The following PIK3CD variants were observed in gnomAD, a reference collection of about 807,000 sequenced individuals.
PIK3CD encodes phosphatidylinositol-4,5-bisphosphate 3-kinase catalytic subunit delta, also known as phosphatidylinositol 4,5-bisphosphate 3-kinase catalytic subunit delta isoform.
PIK3CD carries 20 observed loss-of-function variants against 122.9 expected under a neutral mutation model. That is an observed-to-expected ratio of 0.16 (90% CI 0.11 to 0.24). The LOEUF (loss-of-function observed/expected upper bound fraction) is 0.24. Among genes scored for constraint, PIK3CD ranks in the 10% least tolerant of loss-of-function variants. PIK3CD has a pLI of 1.00. For missense variants in PIK3CD, 787 were observed against 1,406.3 expected, an observed-to-expected ratio of 0.56 and a Z score of 7.04; for synonymous variants, 596 against 593.4, an observed-to-expected ratio of 1.00 and a Z score of -0.06.
chr1:9,638,698 C>G, the PIK3CD span, among the ~76,000 whole-genome samples: 7 of 143,384 alleles, frequency 4.9e-5, no homozygotes, highest in South Asian at 2.3e-4. Context: ...CACCACTGCA[C>G]TCCAGCCTGG....
At chr1:9,692,147 G>A (rs890674723) in intron 2 of PIK3CD, among the ~76,000 whole-genome samples, 1 of 152,150 alleles carries the variant, frequency 6.6e-6, no homozygotes, top group Non-Finnish European at 1.5e-5. Flanking sequence ...CTGGCTGGAC[G>A]TTGGCTACCA....
chr1:9,698,828 G>C (rs750168923), intron 2 of PIK3CD, among the ~76,000 whole-genome samples: 20 of 152,074 alleles, frequency 1.3e-4, no homozygotes, highest in Non-Finnish European at 2.2e-4. Flanking sequence ...TGATGAGATG[G>C]TGGGGATAGC....
chr1:9,654,562 C>T, intron 1 of PIK3CD: 1 of 459,396 alleles, frequency 2.2e-6, no homozygotes, highest in Non-Finnish European at 3.9e-6. Context: ...TCGGTTCCTG[C>T]TTCATCTTGT....
chr1:9,717,406 G>A lies in PIK3CD; in HGVS notation c.931-131G>A. On this transcript the variant is annotated intron_variant, in intron 7 of 23. Coordinates refer to ENST00000377346, the MANE Select transcript of PIK3CD (RefSeq NM_005026.5). This position sits in a 1 kb window ranked among gnomAD's most constrained non-coding sequence, Gnocchi z 5.4. ...TTTTCTGGGAAAGGATAGCATTGTGGACAGGCCCAAACCTGGCCGCAAACC... is the reference window on the plus strand; with the variant it reads ...TTTTCTGGGAAAGGATAGCATTGTGAACAGGCCCAAACCTGGCCGCAAACC... 1 of 952,260 alleles carries A rather than the reference G, an allele frequency of 1.1e-6. No individual in the cohort carries two copies. The highest frequency in any genetic ancestry group is 1.7e-6 in the Non-Finnish European group (1 of 598,766). 59.0% of individuals were successfully genotyped at this position (952,260 alleles called of 1,614,324 possible). A position where few individuals can be genotyped will look rare whatever the true frequency, so the allele number is the denominator to read the frequency against.
chr1:9,710,384 T>G lies in PIK3CD; in HGVS notation c.-32-40T>G. The stretch of plus-strand genomic sequence containing the variant: ...GTCCCTTCCAAAGGTCTCACCCAGC[T>G]CAGCTGAGGTAACTCATTTTGCCAT... On this transcript the variant is annotated intron_variant, in intron 2 of 23. Coordinates refer to ENST00000377346, the MANE Select transcript of PIK3CD (RefSeq NM_005026.5). The surrounding 1 kb of genome is among the most constrained non-coding windows in gnomAD (Gnocchi z 4.7). 2 of 1,518,394 alleles carry G rather than the reference T, an allele frequency of 1.3e-6. No homozygotes were observed. 94.1% of individuals were successfully genotyped at this position (1,518,394 alleles called of 1,614,324 possible).
At chr1:9,716,140 TGAAACTCCTCAGTCATCC>T (rs1647386422) in intron 5 of PIK3CD, 62 bp downstream of exon 5, 3 of 1,362,696 alleles carry the variant, frequency 2.2e-6, no homozygotes, top group Non-Finnish European at 3.1e-6. Flanking sequence ...ACTTCCTCTG[TGAAACTCCTCAGTCATCC>T]GCAAGCCCCC....
chr1:9,667,771 C>G (rs1428155658), intron 1 of PIK3CD, among the ~76,000 whole-genome samples: 2 of 148,002 alleles, frequency 1.4e-5, no homozygotes, highest in East Asian at 3.9e-4. Flanking sequence ...GGGTCTCACT[C>G]TGTCGCCCAC....
At position 9,722,651 on chromosome 1, in the gene PIK3CD, CCT is replaced by C. The variant is rs1171243287; in HGVS notation, c.2426+46_2426+47del. The C allele has an allele frequency of 4.6e-6, 7 of 1,510,446 alleles. No individual in the cohort carries two copies. In the Admixed American group the frequency reaches 5.0e-5, roughly 11 times the overall value. 93.6% of individuals were successfully genotyped at this position (1,510,446 alleles called of 1,614,324 possible). On this transcript the variant is annotated intron_variant, in intron 19 of 23. Coordinates refer to ENST00000377346, the MANE Select transcript of PIK3CD (RefSeq NM_005026.5). This position sits in a 1 kb window ranked among gnomAD's most constrained non-coding sequence, Gnocchi z 7.6. ...ATCGTCCCTTGGTGTCTGTGCCCAG[CCT>C]GGGAGTCTGTGCCCCTGGAGGGGTC...
At chr1:9,677,048 G>C (rs1183981154) in intron 1 of PIK3CD, among the ~76,000 whole-genome samples, 3 of 152,160 alleles carry the variant, frequency 2.0e-5, no homozygotes, top group Non-Finnish European at 4.4e-5. Context: ...CTTCCTCTTT[G>C]GTTCAGAGCT....
At chr1:9,673,181 C>G (rs1355174045) in intron 1 of PIK3CD, among the ~76,000 whole-genome samples, 2 of 151,752 alleles carry the variant, frequency 1.3e-5, no homozygotes, top group African/African-American at 4.8e-5. Context: ...TTTCTGCAGC[C>G]TTGACCTCCT....
chr1:9,676,135 T>C (rs1167585376), intron 1 of PIK3CD, among the ~76,000 whole-genome samples: 1 of 152,150 alleles, frequency 6.6e-6, no homozygotes, highest in Admixed American at 6.5e-5. Context: ...TTTCACCATG[T>C]TGGCCAGGCT....
chr1:9,678,881 A>T (rs1350837302), intron 1 of PIK3CD, among the ~76,000 whole-genome samples: 1 of 152,162 alleles, frequency 6.6e-6, no homozygotes, highest in Non-Finnish European at 1.5e-5. Flanking sequence ...TTCAGCAAGG[A>T]TCGACTTTCC....
intron 2 of PIK3CD, among the ~76,000 whole-genome samples, chr1:9,699,572 G>A (rs571512593): frequency 1.3e-5 from 2 of 151,038 alleles, no homozygotes; most frequent in South Asian, 4.2e-4. Flanking sequence ...TCAGGCACCT[G>A]CCTCCTGCCT....
At chr1:9,627,857 T>TCCGCAGCC in the PIK3CD span, among the ~76,000 whole-genome samples, 1 of 152,124 alleles carries the variant, frequency 6.6e-6, no homozygotes, top group Non-Finnish European at 1.5e-5. Context: ...TGTTTCTAGT[T>TCCGCAGCC]CCGCAGCCCC....
rs1264819884 is a variant in PIK3CD, at chr1:9,700,596, C to G, written c.-33+9025C>G. Among the ~76,000 whole-genome samples the G allele has an allele frequency of 6.6e-6, 1 of 152,138 alleles. No homozygotes were observed. The highest frequency in any genetic ancestry group is 2.4e-5 in the African/African-American group (1 of 41,412). ...CCATCACTGGGTGACGCGACCCCAG[C>G]TCCCCGCTCTGTGTCTAGGCCGTCT... On this transcript the variant is annotated intron_variant, in intron 2 of 23. Transcript: ENST00000377346. This position sits in a 1 kb window ranked among gnomAD's most constrained non-coding sequence, Gnocchi z 5.1.
rs569827615 is a variant in PIK3CD, at chr1:9,720,981, C to A, written c.1689+72C>A. 2.7e-6 allele frequency: 4 copies of A among 1,493,604 alleles called. No homozygotes were observed. The highest frequency in any genetic ancestry group is 3.9e-5 in the Admixed American group (2 of 50,872). 92.5% of individuals were successfully genotyped at this position (1,493,604 alleles called of 1,614,324 possible). Reference sequence around the variant, plus strand: ...GCCTCTGGCTACCCACCACCCTGACCCCGGCCAACCCCCACCCTCACCCTG... The same window carrying A: ...GCCTCTGGCTACCCACCACCCTGACACCGGCCAACCCCCACCCTCACCCTG... On this transcript the variant is annotated intron_variant, in intron 13 of 23. Coordinates refer to ENST00000377346, the MANE Select transcript of PIK3CD (RefSeq NM_005026.5). The surrounding 1 kb of genome is among the most constrained non-coding windows in gnomAD (Gnocchi z 9.0).
chr1:9,629,798 G>A, the PIK3CD span, among the ~76,000 whole-genome samples: 16 of 152,170 alleles, frequency 1.1e-4, no homozygotes, highest in African/African-American at 3.1e-4. Flanking sequence ...GGCCGGGACC[G>A]CCCCTGAGCA....
the PIK3CD span, among the ~76,000 whole-genome samples, chr1:9,633,217 A>G: frequency 0.018 from 2,678 of 152,038 alleles, 52 homozygotes; most frequent in Non-Finnish European, 0.021. Flanking sequence ...CCAGGTGGGG[A>G]TGAGAGATCA....
intron 1 of PIK3CD, among the ~76,000 whole-genome samples, chr1:9,671,646 A>G (rs919922756): frequency 4.0e-5 from 6 of 151,792 alleles, no homozygotes; most frequent in African/African-American, 1.2e-4. Flanking sequence ...CCATTTTGCT[A>G]TGTTGCCCAG....
Sources: allele counts gnomAD v4.1 joint callset (sites outside exome capture counted in the v4.1 genomes callset), GRCh38; gene constraint gnomAD v4.1.1; non-coding constraint Gnocchi (gnomAD v3.1); transcripts MANE v1.5; gene names NCBI Gene and HGNC (gene_info 2026-07-23, HGNC 2026-07-21).